IL1R1: variants seen among roughly 807,000 people sequenced by gnomAD.
The protein encoded by IL1R1 is interleukin 1 receptor type 1.
IL1R1 carries 22 observed loss-of-function variants against 50.2 expected under a neutral mutation model. That is an observed-to-expected ratio of 0.44 (90% CI 0.31 to 0.63). The LOEUF (loss-of-function observed/expected upper bound fraction) is 0.63. IL1R1 is among the 20% of genes least tolerant of loss of function. IL1R1 has a pLI of 0.07. For missense variants in IL1R1, 509 were observed against 676.2 expected, an observed-to-expected ratio of 0.75 and a Z score of 2.74; for synonymous variants, 251 against 236.7, an observed-to-expected ratio of 1.06 and a Z score of -0.55.
chr2:102,112,604 G>A lies in IL1R1; in HGVS notation c.-84+7732G>A, dbSNP rs535619993. Among the ~76,000 whole-genome samples the A allele has an allele frequency of 2.1e-4, 32 of 152,274 alleles. 1 individual carries two copies. The highest frequency in any genetic ancestry group is 1.8e-3 in the Admixed American group (28 of 15,296). On this transcript the variant is annotated intron_variant, in intron 1 of 10. Coordinates refer to the IL1R1 transcript ENST00000409329. ...CCCAATCAGGTGTAACATGGGATGG[G>A]GGTTGTCAAGGCCTAATGCCAGGTA...
At chr2:102,075,925 G>C (rs1678936928) in intron 1 of IL1R1, among the ~76,000 whole-genome samples, 1 of 152,170 alleles carries the variant, frequency 6.6e-6, no homozygotes, top group Admixed American at 6.5e-5. Flanking sequence ...GATCAACAGT[G>C]CACACCTGAA....
intron 1 of IL1R1, among the ~76,000 whole-genome samples, chr2:102,109,308 A>C (rs918175537): frequency 6.6e-6 from 1 of 152,164 alleles, no homozygotes; most frequent in South Asian, 2.1e-4. Flanking sequence ...CTAAAGGAAC[A>C]TGCACTCTTC....
intron 1 of IL1R1, among the ~76,000 whole-genome samples, chr2:102,094,770 A>G (rs971856481): frequency 5.3e-5 from 8 of 152,176 alleles, no homozygotes; most frequent in African/African-American, 1.7e-4. Context: ...GTTAATAGAA[A>G]TATATATATT....
At chr2:102,085,278 A>G (rs78030229) in intron 1 of IL1R1, among the ~76,000 whole-genome samples, 3,198 of 152,272 alleles carry the variant, frequency 0.021, 117 homozygotes, top group African/African-American at 0.073. Flanking sequence ...CTGTTTTACA[A>G]CTATTTGCCT....
At chr2:102,105,942 C>T (rs13388182) in intron 1 of IL1R1, among the ~76,000 whole-genome samples, 49,065 of 152,094 alleles carry the variant, frequency 0.32, 8,368 homozygotes, top group Non-Finnish European at 0.37. Flanking sequence ...CCTTGATCCT[C>T]ATAATTCCTA....
intron 1 of IL1R1, among the ~76,000 whole-genome samples, chr2:102,130,497 G>T (rs1433948693): frequency 6.6e-6 from 1 of 151,662 alleles, no homozygotes; most frequent in Non-Finnish European, 1.5e-5. Flanking sequence ...TTCACTCTTG[G>T]TGGCACAAGC....
At chr2:102,108,638 TA>T (rs987001695) in intron 1 of IL1R1, among the ~76,000 whole-genome samples, 2 of 151,274 alleles carry the variant, frequency 1.3e-5, no homozygotes, top group African/African-American at 2.4e-5. Context: ...CCCAGAAGAT[TA>T]AAAAAAAACC....
At chr2:102,149,387 TC>T (rs943010586) in intron 1 of IL1R1, among the ~76,000 whole-genome samples, 1 of 152,176 alleles carries the variant, frequency 6.6e-6, no homozygotes, top group African/African-American at 2.4e-5. Flanking sequence ...CTATGTCAGG[TC>T]CCTGGAAGAA....
chr2:102,073,138 T>C (rs1678808370), intron 1 of IL1R1, among the ~76,000 whole-genome samples: 1 of 152,218 alleles, frequency 6.6e-6, no homozygotes, highest in Admixed American at 6.5e-5. Flanking sequence ...CCACTTTGGA[T>C]GCAGTAGGTC....
intron 1 of IL1R1, among the ~76,000 whole-genome samples, chr2:102,095,312 A>G (rs572205159): frequency 1.0e-3 from 158 of 152,370 alleles, no homozygotes; most frequent in African/African-American, 3.8e-3. Context: ...GCAGGAAAGG[A>G]AGCCAATTTA....
intron 1 of IL1R1, among the ~76,000 whole-genome samples, chr2:102,124,922 T>TAA (rs139259819): frequency 6.6e-6 from 1 of 150,578 alleles, no homozygotes; most frequent in South Asian, 2.1e-4. Context: ...TCTCAAAAAA[T>TAA]AAAAAAAAAT....
chr2:102,138,489 C>G (rs909095710), upstream of IL1R1, among the ~76,000 whole-genome samples: 1 of 152,154 alleles, frequency 6.6e-6, no homozygotes, highest in Admixed American at 6.5e-5. Flanking sequence ...ACTTTCTCAT[C>G]AGCTCTTATT....
At chr2:102,133,360 C>A (rs4851546) in intron 1 of IL1R1, among the ~76,000 whole-genome samples, 2 of 151,876 alleles carry the variant, frequency 1.3e-5, no homozygotes, top group Non-Finnish European at 2.9e-5. Flanking sequence ...CAAACTCTTC[C>A]AGAAAATTGA....
chr2:102,170,504 C>A (rs3917301), intron 7 of IL1R1, among the ~76,000 whole-genome samples: 1 of 151,938 alleles, frequency 6.6e-6, no homozygotes, highest in African/African-American at 2.4e-5. Context: ...AGAAAATTCC[C>A]GGGAAAAACT....
chr2:102,172,834 T>C lies in IL1R1; in HGVS notation c.987T>C (p.Tyr329=), dbSNP rs200318612. Residue 329 remains tyrosine (Y), a synonymous_variant, in exon 9 of 12, where the codon TAT becomes TAC. Transcript: ENST00000410023. ...ATGCAGCATATATCCAGTTAATATATCCAGGTAAACAACAAACTAATTGAA... is the reference window on the plus strand; with the variant it reads ...ATGCAGCATATATCCAGTTAATATACCCAGGTAAACAACAAACTAATTGAA... The part of the protein sequence containing the change: ...GIDAAYIQLI[Y]PVTNFQKHMI... 4 of 1,595,370 alleles carry C rather than the reference T, an allele frequency of 2.5e-6. No homozygotes were observed. The highest frequency in any genetic ancestry group is 3.4e-6 in the Non-Finnish European group (4 of 1,169,320).
chr2:102,136,789 A>G (rs192242982), intron 1 of IL1R1, among the ~76,000 whole-genome samples: 10 of 152,308 alleles, frequency 6.6e-5, no homozygotes, highest in Admixed American at 3.3e-4. Context: ...ATAGTTGGAC[A>G]TTAGGGAAAT....
upstream of IL1R1, among the ~76,000 whole-genome samples, chr2:102,139,737 C>G (rs1287180424): frequency 6.6e-6 from 1 of 152,344 alleles, no homozygotes; most frequent in Non-Finnish European, 1.5e-5. Flanking sequence ...GGCCACGTGA[C>G]GTACCTGCAC....
chr2:102,077,926 GA>G (rs1679042397), intron 1 of IL1R1, among the ~76,000 whole-genome samples: 1 of 152,070 alleles, frequency 6.6e-6, no homozygotes, highest in Non-Finnish European at 1.5e-5. Context: ...GAAAATTTAG[GA>G]AAGTCACAAA....
chr2:102,174,029 TA>T (rs1385608405), intron 9 of IL1R1, among the ~76,000 whole-genome samples: 5 of 152,230 alleles, frequency 3.3e-5, no homozygotes, highest in African/African-American at 1.2e-4. Context: ...TGGATGCTTT[TA>T]CATGGTTCCT....
Sources: allele counts gnomAD v4.1 joint callset (sites outside exome capture counted in the v4.1 genomes callset), GRCh38; gene constraint gnomAD v4.1.1; transcripts MANE v1.5; gene names NCBI Gene and HGNC (gene_info 2026-07-23, HGNC 2026-07-21).